Variants in PTPRD observed in about 807,000 individuals in gnomAD.
PTPRD encodes the protein receptor-type tyrosine-protein phosphatase delta.
In PTPRD, 34 loss-of-function variants were observed where a neutral mutation model predicts 214.5. That is an observed-to-expected ratio of 0.16 (90% CI 0.12 to 0.21). The LOEUF is 0.21. PTPRD is among the 10% of genes least tolerant of loss of function. The pLI is 1.00. For missense variants in PTPRD, 2,545 were observed against 2,398.7 expected, an observed-to-expected ratio of 1.06 and a Z score of -1.27; for synonymous variants, 1,128 against 845.7, an observed-to-expected ratio of 1.33 and a Z score of -5.79.
intron 5 of PTPRD, among the ~76,000 whole-genome samples, chr9:9,788,467 G>T (rs931458440): frequency 4.0e-5 from 6 of 149,730 alleles, no homozygotes; most frequent in African/African-American, 1.5e-4. Flanking sequence ...CAGGAGAATG[G>T]CATGAACCCG....
intron 10 of PTPRD, among the ~76,000 whole-genome samples, chr9:9,027,928 A>G (rs561236026): frequency 6.6e-6 from 1 of 152,084 alleles, no homozygotes; most frequent in East Asian, 1.9e-4. Flanking sequence ...CCTGTGATGA[A>G]AAACATATTA....
rs759998610 is a variant in PTPRD at position 10,479,157 on chromosome 9, G to T, written c.-600+133241C>A. 1.1e-3 allele frequency among the ~76,000 whole-genome samples: 168 copies of T among 152,044 alleles called. 1 individual carries two copies. Among genetic ancestry groups the T allele is most frequent in the Non-Finnish European group, 2.1e-3 (144 of 68,008 alleles). On this transcript the variant is annotated intron_variant, in intron 2 of 45. Transcript: ENST00000381196. ...AAATATAATACTAAATTCTATACTCGTATAATTCTCAGAATGCTAAGAAAT... is the reference window on the plus strand; with the variant it reads ...AAATATAATACTAAATTCTATACTCTTATAATTCTCAGAATGCTAAGAAAT...
At chr9:8,619,096 T>A (rs747673246) in intron 14 of PTPRD, among the ~76,000 whole-genome samples, 2 of 151,660 alleles carry the variant, frequency 1.3e-5, no homozygotes, top group African/African-American at 2.4e-5. Flanking sequence ...AAAAGTGTAT[T>A]TACCACATAC....
At chr9:9,090,619 A>C (rs1321246700) in intron 10 of PTPRD, among the ~76,000 whole-genome samples, 4 of 152,206 alleles carry the variant, frequency 2.6e-5, no homozygotes, top group Admixed American at 2.6e-4. Context: ...GATGAAGGGC[A>C]GAAGCTTCAG....
chr9:10,036,896 A>G (rs2097194095), intron 3 of PTPRD, among the ~76,000 whole-genome samples: 4 of 150,944 alleles, frequency 2.6e-5, no homozygotes, highest in Admixed American at 2.0e-4. Flanking sequence ...TTATTTATTT[A>G]TTTATTTAGA....
At chr9:8,332,827 A>C (rs909639467) in intron 43 of PTPRD, among the ~76,000 whole-genome samples, 5 of 152,222 alleles carry the variant, frequency 3.3e-5, no homozygotes, top group African/African-American at 1.2e-4. Context: ...TCTCATTTGA[A>C]GAGGTCCTAC....
intron 11 of PTPRD, among the ~76,000 whole-genome samples, chr9:8,735,245 G>A (rs962439337): frequency 1.4e-5 from 2 of 147,728 alleles, no homozygotes; most frequent in Non-Finnish European, 3.0e-5. Context: ...CCAGGTTCAA[G>A]TGGTTCTCCT....
At chr9:9,057,345 G>A (rs183315238) in intron 10 of PTPRD, among the ~76,000 whole-genome samples, 95 of 152,184 alleles carry the variant, frequency 6.2e-4, no homozygotes, top group African/African-American at 2.3e-3. Flanking sequence ...GGGCCTTGGA[G>A]AATATCCAAT....
chr9:10,488,435 A>G (rs1198050263), intron 2 of PTPRD, among the ~76,000 whole-genome samples: 1 of 151,342 alleles, frequency 6.6e-6, no homozygotes, highest in Non-Finnish European at 1.5e-5. Context: ...GTCTTGCCCA[A>G]GGCCCACTGT....
chr9:9,014,332 C>T (rs1278138377), intron 11 of PTPRD, among the ~76,000 whole-genome samples: 1 of 151,782 alleles, frequency 6.6e-6, no homozygotes, highest in Non-Finnish European at 1.5e-5. Flanking sequence ...AATTAGATTC[C>T]TTTTATTGTG....
Position 8,470,395 on chromosome 9 carries a change from G to A in PTPRD, c.3504+600C>T, listed in dbSNP as rs111992800. Among the ~76,000 whole-genome samples the A allele has an allele frequency of 3.3e-3, 495 of 152,174 alleles. 5 individuals carry two copies. Among genetic ancestry groups the A allele is most frequent in the African/African-American group, 0.011 (461 of 41,536 alleles). Reference sequence around the variant, plus strand: ...CTGTTGCAAGATTTTGGAAATCCACGTTATATATTTAGTATTTGTTGTTTC... The same window carrying A: ...CTGTTGCAAGATTTTGGAAATCCACATTATATATTTAGTATTTGTTGTTTC... On this transcript the variant is annotated intron_variant, in intron 31 of 45. Transcript: ENST00000381196.
chr9:8,663,486 T>A (rs1417371344), intron 12 of PTPRD, among the ~76,000 whole-genome samples: 1 of 152,040 alleles, frequency 6.6e-6, no homozygotes, highest in Non-Finnish European at 1.5e-5. Context: ...ATAGTGTATT[T>A]TTGTTGTTGT....
intron 2 of PTPRD, among the ~76,000 whole-genome samples, chr9:10,481,604 C>A (rs1452560026): frequency 6.6e-6 from 1 of 152,090 alleles, no homozygotes; most frequent in African/African-American, 2.4e-5. Flanking sequence ...TTTTTGAATG[C>A]ATAAGTGAAT....
chr9:9,964,276 A>G (rs1389178356), intron 4 of PTPRD, among the ~76,000 whole-genome samples: 1 of 152,230 alleles, frequency 6.6e-6, no homozygotes, highest in African/African-American at 2.4e-5. Context: ...CTAGGACAAG[A>G]AAGAATGTAA....
At chr9:9,681,877 C>G (rs1299818074) in intron 7 of PTPRD, among the ~76,000 whole-genome samples, 1 of 151,740 alleles carries the variant, frequency 6.6e-6, no homozygotes, top group Non-Finnish European at 1.5e-5. Context: ...AATCTGTTGA[C>G]AAGAAGAAAG....
chr9:9,936,035 C>T (rs1338455948), intron 5 of PTPRD, among the ~76,000 whole-genome samples: 106 of 149,678 alleles, frequency 7.1e-4, no homozygotes, highest in African/African-American at 2.5e-3. Flanking sequence ...ATGTAGAAAG[C>T]TGAAACTGGA....
rs555535908 is a variant in PTPRD at position 8,581,716 on chromosome 9, T to C, written c.352+51601A>G. On this transcript the variant is annotated intron_variant, in intron 14 of 45. Coordinates refer to ENST00000381196, the MANE Select transcript of PTPRD (RefSeq NM_002839.4). ...GAGCCGAGATCCCGCTACTGCACTCTAGCCCGGACGACAGAGCGAGACTCC... is the reference window on the plus strand; with the variant it reads ...GAGCCGAGATCCCGCTACTGCACTCCAGCCCGGACGACAGAGCGAGACTCC... 4.4e-4 allele frequency among the ~76,000 whole-genome samples: 66 copies of C among 148,536 alleles called. 1 individual carries two copies. Among genetic ancestry groups the C allele is most frequent in the Admixed American group, 2.8e-3 (41 of 14,574 alleles).
chr9:10,076,276 G>A (rs9298651), intron 3 of PTPRD, among the ~76,000 whole-genome samples: 23,141 of 151,846 alleles, frequency 0.15, 3,363 homozygotes, highest in African/African-American at 0.38. Flanking sequence ...CTTGAACCAC[G>A]GTACTCATCA....
intron 2 of PTPRD, among the ~76,000 whole-genome samples, chr9:10,389,014 C>A (rs2097992795): frequency 6.6e-6 from 1 of 151,730 alleles, no homozygotes; most frequent in Non-Finnish European, 1.5e-5. Context: ...TAAGAGATCC[C>A]ATTGGAGTAA....
Sources: gnomAD v4.1 joint callset for allele counts (sites outside exome capture counted in the v4.1 genomes callset) on GRCh38, gnomAD v4.1.1 for gene constraint, MANE v1.5 for transcripts, NCBI Gene and HGNC (gene_info 2026-07-23, HGNC 2026-07-21) for gene names.